The following TANGO6 variants were observed in gnomAD, a reference collection of about 807,000 sequenced individuals.
The protein encoded by TANGO6 is transport and Golgi organization protein 6 homolog.
A neutral mutation model predicts 114.2 loss-of-function variants in TANGO6; 90 were observed. The observed-to-expected ratio is 0.79, with a 90% CI of 0.66 to 0.94. The LOEUF is 0.94. Ranked by LOEUF, TANGO6 falls within the 40% of genes least tolerant of loss-of-function variation. The pLI is 0.00. For synonymous variants in TANGO6, 477 were observed against 509.8 expected, an observed-to-expected ratio of 0.94 and a Z score of 0.87; for missense variants, 1,274 against 1,315.3, an observed-to-expected ratio of 0.97 and a Z score of 0.49.
intron 14 of TANGO6, among the ~76,000 whole-genome samples, chr16:68,937,910 T>C (rs1344937182): frequency 3.3e-5 from 5 of 152,210 alleles, no homozygotes; most frequent in Non-Finnish European, 5.9e-5. Context: ...TGTACAAGTT[T>C]TGTGTGAACG....
At chr16:68,871,090 C>T (rs1001469444) in intron 4 of TANGO6, among the ~76,000 whole-genome samples, 1 of 152,014 alleles carries the variant, frequency 6.6e-6, no homozygotes, top group Non-Finnish European at 1.5e-5. Flanking sequence ...CGCACCCGGC[C>T]TGGCAATTAA....
intron 14 of TANGO6, among the ~76,000 whole-genome samples, chr16:68,963,933 C>T (rs904799570): frequency 6.6e-6 from 1 of 152,096 alleles, no homozygotes; most frequent in Admixed American, 6.6e-5. Flanking sequence ...ACCTTTTTTA[C>T]ACCTTGTCAC....
intron 16 of TANGO6, among the ~76,000 whole-genome samples, chr16:69,027,567 A>G (rs1959523276): frequency 6.6e-6 from 1 of 152,086 alleles, no homozygotes. Context: ...CTTTAGTATT[A>G]TTAAATTGTA....
chr16:68,904,991 G>A (rs750949484), intron 9 of TANGO6, among the ~76,000 whole-genome samples: 6 of 152,162 alleles, frequency 3.9e-5, no homozygotes, highest in Non-Finnish European at 7.3e-5. Context: ...GGGAGGCCGA[G>A]ACGGGCGGAT....
intron 14 of TANGO6, among the ~76,000 whole-genome samples, 187 bp downstream of exon 14, chr16:68,930,482 A>G (rs2152197486): frequency 6.6e-6 from 1 of 152,258 alleles, no homozygotes; most frequent in South Asian, 2.1e-4. Flanking sequence ...AAGAGTCCCT[A>G]TAGAGTTTCA....
intron 9 of TANGO6, 70 bp from the exon 10 acceptor site, chr16:68,907,373 T>C (rs1436276301): frequency 6.9e-7 from 1 of 1,440,612 alleles, no homozygotes; most frequent in Non-Finnish European, 9.2e-7. Flanking sequence ...CTTTAGAAGA[T>C]TGTTATGGGG....
intron 15 of TANGO6, among the ~76,000 whole-genome samples, chr16:69,014,909 A>G (rs1458433819): frequency 6.6e-6 from 1 of 151,974 alleles, no homozygotes; most frequent in African/African-American, 2.4e-5. Flanking sequence ...AAAAAAAAAA[A>G]AAGAAAAAGA....
intron 4 of TANGO6, among the ~76,000 whole-genome samples, chr16:68,874,933 G>T (rs928208578): frequency 4.0e-5 from 6 of 151,748 alleles, no homozygotes; most frequent in African/African-American, 9.7e-5. Context: ...CTGGGTGACA[G>T]AACAAGACTC....
intron 3 of TANGO6, among the ~76,000 whole-genome samples, chr16:68,864,107 G>A (rs1056782016): frequency 2.6e-5 from 4 of 152,012 alleles, no homozygotes; most frequent in Middle Eastern, 3.4e-3. Context: ...ACAAGAGGCA[G>A]AGGTTGCAGC....
intron 15 of TANGO6, among the ~76,000 whole-genome samples, chr16:69,012,180 A>G (rs118045591): frequency 3.2e-3 from 489 of 152,210 alleles, no homozygotes; most frequent in Middle Eastern, 0.01. Context: ...GCTAAGATAA[A>G]CCCCACTCAT....
At chr16:68,960,109 C>CT (rs1963574507) in intron 14 of TANGO6, among the ~76,000 whole-genome samples, 1 of 152,068 alleles carries the variant, frequency 6.6e-6, no homozygotes. Flanking sequence ...TATTTATGTG[C>CT]TTTTTTACTC....
intron 17 of TANGO6, among the ~76,000 whole-genome samples, chr16:69,063,643 CAAAAAAA>C (rs770332921): frequency 1.7e-4 from 6 of 35,778 alleles, no homozygotes; most frequent in African/African-American, 3.5e-4. Flanking sequence ...ACTCCATCTC[CAAAAAAA>C]AAAAAAAAAA....
rs142050535 is a variant in TANGO6 at position 68,858,027 on chromosome 16, G to A, written c.95-1857G>A. Among the ~76,000 whole-genome samples, 6 of 151,632 alleles carry A rather than the reference G, an allele frequency of 4.0e-5. No homozygotes were observed. In the East Asian group the frequency reaches 1.2e-3, roughly 29 times the overall value. On this transcript the variant is annotated intron_variant, in intron 1 of 17. Transcript: ENST00000261778. ...TATTTCTTCCTTAAATGATTCATCA[G>A]TGAAACCATCTAGGCCTGAAATTTT...
intron 11 of TANGO6, among the ~76,000 whole-genome samples, chr16:68,915,133 C>A (rs1308297589): frequency 6.8e-6 from 1 of 146,016 alleles, no homozygotes; most frequent in Non-Finnish European, 1.5e-5. Flanking sequence ...AAGATCACAC[C>A]ACTGCACTCC....
intron 15 of TANGO6, among the ~76,000 whole-genome samples, chr16:68,976,234 A>G (rs913767612): frequency 6.6e-6 from 1 of 152,234 alleles, no homozygotes; most frequent in Non-Finnish European, 1.5e-5. Context: ...GCACCCAGCC[A>G]GAATGAGGAT....
intron 11 of TANGO6, among the ~76,000 whole-genome samples, chr16:68,910,738 G>A (rs189737138): frequency 1.2e-3 from 176 of 152,188 alleles, no homozygotes; most frequent in African/African-American, 3.8e-3. Flanking sequence ...GTGCAGTGGC[G>A]CAGTCTCGGC....
chr16:68,876,713 C>T (rs139059405), intron 5 of TANGO6, among the ~76,000 whole-genome samples: 1 of 152,120 alleles, frequency 6.6e-6, no homozygotes, highest in East Asian at 1.9e-4. Context: ...CCTAGCTACT[C>T]AGGAAGCTGA....
intron 17 of TANGO6, among the ~76,000 whole-genome samples, chr16:69,047,324 A>G (rs1959878344): frequency 6.6e-6 from 1 of 152,038 alleles, no homozygotes; most frequent in Non-Finnish European, 1.5e-5. Flanking sequence ...GCGAAACCCT[A>G]TCTCTACTGA....
At chr16:68,905,657 G>A (rs529533592) in intron 9 of TANGO6, among the ~76,000 whole-genome samples, 1 of 152,188 alleles carries the variant, frequency 6.6e-6, no homozygotes, top group South Asian at 2.1e-4. Flanking sequence ...TCATGGGAAA[G>A]TACAAAAATT....
Sources: allele counts gnomAD v4.1 joint callset (sites outside exome capture counted in the v4.1 genomes callset), GRCh38; gene constraint gnomAD v4.1.1; transcripts MANE v1.5; gene names NCBI Gene and HGNC (gene_info 2026-07-23, HGNC 2026-07-21).